The following WASHC5 variants were observed in gnomAD, a reference collection of about 807,000 sequenced individuals.
The protein encoded by WASHC5 is WASH complex subunit 5.
WASHC5 carries 101 observed loss-of-function variants against 150.4 expected under a neutral mutation model. The ratio of observed to expected loss-of-function variants is 0.67; its 90% CI spans 0.57 to 0.79. The LOEUF is 0.79. Ranked by LOEUF, WASHC5 falls within the 30% of genes least tolerant of loss-of-function variation. WASHC5 has a pLI of 0.00. For synonymous variants in WASHC5, 467 were observed against 491.2 expected, an observed-to-expected ratio of 0.95 and a Z score of 0.65; for missense variants, 1,195 against 1,396.3, an observed-to-expected ratio of 0.86 and a Z score of 2.30.
At chr8:125,044,147 A>T in intron 21 of WASHC5, 53 bp from the exon 22 acceptor site, 2 of 1,206,766 alleles carry the variant, frequency 1.7e-6, no homozygotes, top group Non-Finnish European at 2.4e-6. Flanking sequence ...TTAAACAAGC[A>T]AATTCTCCAG....
At chr8:125,042,058 T>C (rs1815904957) in intron 23 of WASHC5, among the ~76,000 whole-genome samples, 1 of 152,238 alleles carries the variant, frequency 6.6e-6, no homozygotes. Flanking sequence ...TGCTCTCGTT[T>C]ACTGCACAAT....
rs1242696205 is a variant in WASHC5 at position 125,078,910 on chromosome 8, TCAGCAGAAGATCGAG to T, written c.524_538del (p.Ala175_Ala179del). The T allele has an allele frequency of 1.2e-6, 2 of 1,613,614 alleles. No homozygotes were observed. The highest frequency in any genetic ancestry group is 2.7e-5 in the African/African-American group (2 of 74,790). On this transcript the variant is annotated inframe_deletion, in exon 6 of 29. Transcript: ENST00000318410. ...CTTACAAATATCGTCCATATTTGAA[TCAGCAGAAGATCGAG>T]CAGCACTGAGTCATATTCACAATGG...
At chr8:125,069,022 T>C (rs1816828028) in intron 9 of WASHC5, among the ~76,000 whole-genome samples, 1 of 152,262 alleles carries the variant, frequency 6.6e-6, no homozygotes, top group African/African-American at 2.4e-5. Context: ...TGCTGCGGTT[T>C]CAATGCGTCT....
intron 5 of WASHC5, among the ~76,000 whole-genome samples, chr8:125,081,307 C>T (rs1043874871): frequency 6.5e-5 from 9 of 139,282 alleles, no homozygotes; most frequent in African/African-American, 2.4e-4. Context: ...GCATGATCTT[C>T]GCTCACTGCA....
intron 10 of WASHC5, among the ~76,000 whole-genome samples, chr8:125,065,294 T>C (rs1171301164): frequency 6.6e-6 from 1 of 152,180 alleles, no homozygotes; most frequent in Non-Finnish European, 1.5e-5. Context: ...GAAATTCAAA[T>C]GTATCATTTC....
At position 125,082,456 on chromosome 8, in the gene WASHC5, T is replaced by C. The variant is rs1586389198; in HGVS notation, c.344A>G (p.Asp115Gly). 1.9e-6 allele frequency: 3 copies of C among 1,562,444 alleles called. No homozygotes were observed. Among genetic ancestry groups the C allele is most frequent in the Middle Eastern group, 1.7e-4 (1 of 5,878 alleles). The change falls in exon 4 of 29, where the codon GAT (aspartate) becomes GGT (glycine). Residue 115 changes from aspartate (D) to glycine (G), a missense_variant. By Grantham distance (94) the Asp-to-Gly change is moderately conservative. Transcript: ENST00000318410. ...CTGAATATAAACCCCTTCATTGAGATCATCTAGATATCTAGAAATAAAACC... is the reference window on the plus strand; with the variant it reads ...CTGAATATAAACCCCTTCATTGAGACCATCTAGATATCTAGAAATAAAACC... ...YIVDLNRYLD[D>G]LNEGVYIQQT...
chr8:125,083,488 T>A (rs760745076), intron 2 of WASHC5, among the ~76,000 whole-genome samples: 4 of 152,192 alleles, frequency 2.6e-5, no homozygotes, highest in Non-Finnish European at 5.9e-5. Flanking sequence ...CCCTTCAATG[T>A]GAAATATCAA....
intron 25 of WASHC5, among the ~76,000 whole-genome samples, chr8:125,038,118 C>T (rs548522641): frequency 2.6e-5 from 4 of 152,148 alleles, no homozygotes; most frequent in African/African-American, 9.7e-5. Flanking sequence ...ACTTGTTATG[C>T]AGTAAATATT....
chr8:125,056,894 A>G, intron 15 of WASHC5, 77 bp from the exon 16 acceptor site: 1 of 1,559,256 alleles, frequency 6.4e-7, no homozygotes, highest in Non-Finnish European at 8.8e-7. Flanking sequence ...TAGGATGCCT[A>G]ATTTGTCTAT....
At chr8:125,049,833 T>C (rs1028438476) in intron 18 of WASHC5, among the ~76,000 whole-genome samples, 3 of 152,066 alleles carry the variant, frequency 2.0e-5, no homozygotes, top group African/African-American at 7.2e-5. Flanking sequence ...AGAGCAAGAC[T>C]TTGTCTCAAT....
chr8:125,051,812 G>A (rs1002617142), intron 17 of WASHC5, among the ~76,000 whole-genome samples: 7 of 152,168 alleles, frequency 4.6e-5, no homozygotes, highest in South Asian at 2.1e-4. Flanking sequence ...GCTTGAACTC[G>A]GGAGGAGGAG....
At chr8:125,050,534 G>T in intron 18 of WASHC5, 30 bp downstream of exon 18, 2 of 1,514,340 alleles carry the variant, frequency 1.3e-6, no homozygotes, top group Non-Finnish European at 9.2e-7. Context: ...GGGCGGAGAA[G>T]AGGACAGGCC....
chr8:125,083,665 C>CGCTT, intron 2 of WASHC5, 48 bp downstream of exon 2: 1 of 1,456,510 alleles, frequency 6.9e-7, no homozygotes, highest in Non-Finnish European at 9.5e-7. Context: ...AGAGAAAACA[C>CGCTT]GCTTTTGTAG....
intron 6 of WASHC5, among the ~76,000 whole-genome samples, chr8:125,076,928 C>A (rs533433444): frequency 6.6e-6 from 1 of 152,138 alleles, no homozygotes; most frequent in Non-Finnish European, 1.5e-5. Flanking sequence ...GAATTCCCTA[C>A]GGTCGCTCAT....
Position 125,032,570 on chromosome 8 carries a change from C to A in WASHC5, c.3182-176G>T, listed in dbSNP as rs545828497. The stretch of plus-strand genomic sequence containing the variant: ...TGAATTAGCCACAGGATTGGTAGGG[C>A]ATTCCAGGGGTCTGAAGGATTCAAA... On this transcript the variant is annotated intron_variant, in intron 26 of 28. Transcript: ENST00000318410. The A allele has an allele frequency of 1.6e-4, 119 of 728,294 alleles. No individual in the cohort carries two copies. The African/African-American group carries it at 1.8e-3, about 11-fold the overall frequency. The allele number at this position is 728,294 out of a possible 1,614,324, so 45.1% of individuals were successfully genotyped here. A position where few individuals can be genotyped will look rare whatever the true frequency, so the allele number is the denominator to read the frequency against.
intron 19 of WASHC5, among the ~76,000 whole-genome samples, chr8:125,048,614 C>T (rs562256783): frequency 7.2e-5 from 11 of 152,294 alleles, no homozygotes; most frequent in Middle Eastern, 6.8e-3. Context: ...GTGCCGTTAC[C>T]GTGGAACACA....
chr8:125,054,407 G>A (rs1816341447), intron 17 of WASHC5, among the ~76,000 whole-genome samples: 1 of 152,180 alleles, frequency 6.6e-6, no homozygotes, highest in African/African-American at 2.4e-5. Flanking sequence ...GCATATGTAG[G>A]AACAATTACC....
intron 19 of WASHC5, 113 bp from the exon 20 acceptor site, chr8:125,047,444 G>GTTT: frequency 5.5e-5 from 47 of 862,138 alleles, no homozygotes; most frequent in Non-Finnish European, 5.7e-5. Context: ...AATAAAGGTT[G>GTTT]TTTTTTTTTT....
At chr8:125,038,080 T>C (rs528270173) in intron 25 of WASHC5, among the ~76,000 whole-genome samples, 10 of 152,298 alleles carry the variant, frequency 6.6e-5, no homozygotes, top group Non-Finnish European at 8.8e-5. Context: ...TGAAGTGAGA[T>C]AATCCACAAT....
Sources: allele counts gnomAD v4.1 joint callset (sites outside exome capture counted in the v4.1 genomes callset), GRCh38; gene constraint gnomAD v4.1.1; transcripts MANE v1.5; gene names NCBI Gene and HGNC (gene_info 2026-07-23, HGNC 2026-07-21).